Variants in AHCYL2 observed in about 807,000 individuals in gnomAD.
The protein encoded by AHCYL2 is S-adenosylhomocysteine hydrolase-like protein 2.
A neutral mutation model predicts 81.4 loss-of-function variants in AHCYL2; 28 were observed. The observed-to-expected ratio is 0.34, with a 90% CI of 0.25 to 0.47. The LOEUF is 0.47. Among genes scored for constraint, AHCYL2 ranks in the 20% least tolerant of loss-of-function variants. The pLI is 1.00. For missense variants in AHCYL2, 551 were observed against 785.1 expected, an observed-to-expected ratio of 0.70 and a Z score of 3.56; for synonymous variants, 272 against 290.2, an observed-to-expected ratio of 0.94 and a Z score of 0.64.
intron 1 of AHCYL2, among the ~76,000 whole-genome samples, chr7:129,324,714 A>G (rs1463152109): frequency 6.6e-6 from 1 of 152,030 alleles, no homozygotes; most frequent in Non-Finnish European, 1.5e-5. Flanking sequence ...ACGGGGTTTC[A>G]CCGTGTTAGC....
chr7:129,321,743 G>GTTTTTTTTTTTTTTTTTTTTTTTGTT, intron 1 of AHCYL2, among the ~76,000 whole-genome samples: 1 of 77,624 alleles, frequency 1.3e-5, no homozygotes, highest in Non-Finnish European at 2.5e-5. Flanking sequence ...TTCTTTCTTT[G>GTTTTTTTTTTTTTTTTTTTTTTTGTT]TTTTTTTTTT....
chr7:129,325,322 G>A (rs1045454324), intron 1 of AHCYL2, among the ~76,000 whole-genome samples: 7 of 152,108 alleles, frequency 4.6e-5, no homozygotes, highest in Middle Eastern at 3.4e-3. Context: ...GGGTTTTTTC[G>A]TTTCGGTTTT....
intron 1 of AHCYL2, among the ~76,000 whole-genome samples, chr7:129,342,038 T>C (rs569969752): frequency 6.6e-6 from 1 of 152,328 alleles, no homozygotes; most frequent in African/African-American, 2.4e-5. Flanking sequence ...GGAACCAGCA[T>C]GTACTTTGGC....
intron 1 of AHCYL2, among the ~76,000 whole-genome samples, chr7:129,249,551 G>A (rs1032912879): frequency 1.3e-5 from 2 of 151,546 alleles, no homozygotes; most frequent in Admixed American, 6.6e-5. Context: ...TCAGCCTCCC[G>A]AGTAGCTGGG....
At chr7:129,257,043 G>A (rs1584712546) in intron 1 of AHCYL2, among the ~76,000 whole-genome samples, 1 of 152,030 alleles carries the variant, frequency 6.6e-6, no homozygotes, top group South Asian at 2.1e-4. Context: ...GAGTTGCAGA[G>A]GCATAGACTG....
At chr7:129,382,071 TC>T (rs1374000796) in intron 2 of AHCYL2, among the ~76,000 whole-genome samples, 1 of 152,236 alleles carries the variant, frequency 6.6e-6, no homozygotes, top group Admixed American at 6.5e-5. Flanking sequence ...AGACCTAGTT[TC>T]TAGTCTTTGA....
intron 1 of AHCYL2, among the ~76,000 whole-genome samples, chr7:129,236,407 C>A (rs1424824640): frequency 2.6e-5 from 4 of 151,830 alleles, no homozygotes; most frequent in African/African-American, 9.7e-5. Context: ...CACGGTGTTG[C>A]CCAGGATGGT....
At chr7:129,328,755 G>A (rs1187673547) in intron 1 of AHCYL2, among the ~76,000 whole-genome samples, 1 of 152,142 alleles carries the variant, frequency 6.6e-6, no homozygotes, top group African/African-American at 2.4e-5. Flanking sequence ...CAAAGTGTTG[G>A]GATTACAGGC....
intron 2 of AHCYL2, among the ~76,000 whole-genome samples, chr7:129,383,858 T>G (rs1382852371): frequency 3.3e-5 from 5 of 152,200 alleles, no homozygotes. Flanking sequence ...CTCCTTCAGT[T>G]CTTCACCAAA....
intron 12 of AHCYL2, 53 bp downstream of exon 12, chr7:129,413,741 C>G: frequency 6.8e-7 from 1 of 1,467,596 alleles, no homozygotes; most frequent in Non-Finnish European, 9.5e-7. Context: ...TCACAAGAAG[C>G]AAACTGGAAA....
intron 1 of AHCYL2, among the ~76,000 whole-genome samples, chr7:129,247,374 A>C (rs940003156): frequency 3.9e-5 from 6 of 152,224 alleles, no homozygotes; most frequent in African/African-American, 1.4e-4. Flanking sequence ...TTTTGCTAAA[A>C]TGACTGTTTA....
chr7:129,406,228 A>G lies in AHCYL2; in HGVS notation c.1207-150A>G. On this transcript the variant is annotated intron_variant, in intron 9 of 16. Transcript: ENST00000325006. This position sits in a 1 kb window ranked among gnomAD's most constrained non-coding sequence, Gnocchi z 4.3. ...GGGGTTTGTTTATGAGCTGCATTCA[A>G]TTATTTGTTCTTCTCGTTTTCCCCA... is the stretch of plus-strand genomic sequence containing the variant. The G allele has an allele frequency of 1.5e-6, 1 of 688,952 alleles. No homozygotes were observed. Among genetic ancestry groups the G allele is most frequent in the Non-Finnish European group, 2.4e-6 (1 of 408,300 alleles). The allele number at this position is 688,952 out of a possible 1,614,324, so 42.7% of individuals were successfully genotyped here.
At chr7:129,299,380 T>G (rs868647435) in intron 1 of AHCYL2, among the ~76,000 whole-genome samples, 4 of 36,550 alleles carry the variant, frequency 1.1e-4, no homozygotes, top group Admixed American at 6.4e-4. Flanking sequence ...TTTTTTTTTT[T>G]TTTTTTTTTT....
intron 1 of AHCYL2, among the ~76,000 whole-genome samples, chr7:129,265,180 G>A (rs1444264940): frequency 6.6e-6 from 1 of 152,166 alleles, no homozygotes; most frequent in Non-Finnish European, 1.5e-5. Context: ...ATTGTTCTTA[G>A]TATGCTGCTT....
chr7:129,231,859 TC>T (rs1315082940), intron 1 of AHCYL2, among the ~76,000 whole-genome samples: 1 of 152,188 alleles, frequency 6.6e-6, no homozygotes, highest in East Asian at 1.9e-4. Context: ...GTCTCCCTTT[TC>T]CCCAGCTGTA....
chr7:129,353,517 T>G (rs556936984), intron 1 of AHCYL2, among the ~76,000 whole-genome samples: 1 of 152,050 alleles, frequency 6.6e-6, no homozygotes, highest in East Asian at 1.9e-4. Flanking sequence ...CTCTTGGTCA[T>G]TTCCTGTATA....
At chr7:129,284,147 A>G (rs1028696809) in intron 1 of AHCYL2, among the ~76,000 whole-genome samples, 4 of 152,304 alleles carry the variant, frequency 2.6e-5, no homozygotes, top group African/African-American at 9.6e-5. Context: ...GAATTCTGTT[A>G]GTGGAAGTAA....
chr7:129,429,960 G>A lies in AHCYL2; in HGVS notation c.*2915G>A, dbSNP rs1225296038. ...AGCTTTTTCAATAAAGGAAAATTAC[G>A]GAAGGAAAATAGGCAACACCAGCAA... On this transcript the variant is annotated 3_prime_UTR_variant, in exon 17 of 17. Coordinates refer to ENST00000325006, the MANE Select transcript of AHCYL2 (RefSeq NM_015328.4). 1.3e-5 allele frequency: 2 copies of A among 151,806 alleles called. No individual in the cohort carries two copies. Among genetic ancestry groups the A allele is most frequent in the East Asian group, 1.9e-4 (1 of 5,184 alleles). 9.4% of individuals were successfully genotyped at this position (151,806 alleles called of 1,614,324 possible).
intron 1 of AHCYL2, among the ~76,000 whole-genome samples, chr7:129,323,447 T>C (rs1283946228): frequency 1.3e-5 from 2 of 152,202 alleles, no homozygotes; most frequent in East Asian, 3.8e-4. Flanking sequence ...TTCTTTTAAA[T>C]TTATTTAAAT....
Sources: gnomAD v4.1 joint callset for allele counts (sites outside exome capture counted in the v4.1 genomes callset) on GRCh38, gnomAD v4.1.1 for gene constraint, Gnocchi (gnomAD v3.1) non-coding constraint, MANE v1.5 for transcripts, NCBI Gene and HGNC (gene_info 2026-07-23, HGNC 2026-07-21) for gene names.